TUBGCP6: variants seen among roughly 807,000 people sequenced by gnomAD.
TUBGCP6 encodes the protein tubulin gamma complex component 6, also known as gamma-tubulin complex component 6.
TUBGCP6 carries 161 observed loss-of-function variants against 175.8 expected under a neutral mutation model. The ratio of observed to expected loss-of-function variants is 0.92; its 90% CI spans 0.81 to 1.04. The LOEUF (loss-of-function observed/expected upper bound fraction) is 1.04. Ranked by LOEUF, TUBGCP6 falls within the 50% of genes least tolerant of loss-of-function variation. The probability of loss-of-function intolerance (pLI) is 0.00; values close to 1 mark genes in which losing one functional copy is unlikely to be tolerated. For missense variants in TUBGCP6, 2,572 were observed against 2,433.0 expected (o/e 1.06, Z -1.20); for synonymous variants, 1,173 against 1,030.5 (o/e 1.14, Z -2.65).
chr22:50,217,740 G>C lies in TUBGCP6; in HGVS notation c.5456C>G (p.Ala1819Gly). Residue 1819 changes from alanine to glycine, a missense_variant, in exon 25 of 25, where the codon GCC (alanine) becomes GGC (glycine). By Grantham distance (60) the Ala-to-Gly change is moderately conservative. Transcript: ENST00000248846. ...RINFNNYYQDA is the reference protein window; with the variant it reads ...RINFNNYYQDG ...CACGTCCCCCGCAGAGCAGCCTCAG[G>C]CGTCCTGGTAGTAGTTGTTGAAGTT... 6.2e-7 allele frequency: 1 copy of C among 1,613,956 alleles called. No homozygotes were observed. The highest frequency in any genetic ancestry group is 1.1e-5 in the South Asian group (1 of 91,038).
chr22:50,228,003 T>C lies in TUBGCP6; in HGVS notation c.1316A>G (p.Tyr439Cys), dbSNP rs376242323. Reference protein sequence around the residue: ...FQAFTSGLRRYLQYYRACVLS... With the variant: ...FQAFTSGLRRCLQYYRACVLS... ...GACGCAGGCCCGGTAATACTGCAGG[T>C]ACCTCCTCAGGCCACTGGTGAAGGC... The change falls in exon 5 of 25, where the codon TAC becomes TGC. Residue 439 changes from tyrosine (Y) to cysteine (C), a missense_variant. By Grantham distance (194) the Tyr-to-Cys change is radical (BLOSUM62 -2). Transcript: ENST00000248846. 64 of 1,567,110 alleles carry C rather than the reference T, an allele frequency of 4.1e-5. No individual in the cohort carries two copies. In the African/African-American group the frequency reaches 7.8e-4, roughly 19 times the overall value.
Position 50,241,983 on chromosome 22 carries a change from C to CAAAAAAAAAAAAAAAAAAAAAA in TUBGCP6, c.742-1638_742-1617dup, listed in dbSNP as rs55647714. Among the ~76,000 whole-genome samples, 2 of 92,806 alleles carry CAAAAAAAAAAAAAAAAAAAAAA rather than the reference C, an allele frequency of 2.2e-5. 1 individual carries two copies. 60.9% of individuals were successfully genotyped at this position (92,806 alleles called of 152,430 possible). A position where few individuals can be genotyped will look rare whatever the true frequency, so the allele number is the denominator to read the frequency against. ...CTGGTCCCTACACAAGACTCCATCT[C>CAAAAAAAAAAAAAAAAAAAAAA]AAAAAAAAAAAAAAAAAAAAAAAAA... On this transcript the variant is annotated intron_variant, in intron 1 of 24. Transcript: ENST00000248846.
At chr22:50,231,482 A>G (rs953036081) in intron 3 of TUBGCP6, among the ~76,000 whole-genome samples, 4 of 151,802 alleles carry the variant, frequency 2.6e-5, no homozygotes, top group Admixed American at 2.0e-4. Flanking sequence ...CAAAATAGAA[A>G]AACAATAGAG....
intron 2 of TUBGCP6, among the ~76,000 whole-genome samples, chr22:50,236,379 C>T (rs1162526708): frequency 6.6e-6 from 1 of 152,180 alleles, no homozygotes; most frequent in Non-Finnish European, 1.5e-5. Flanking sequence ...TCGTGATCCG[C>T]CCACCTCAGC....
intron 5 of TUBGCP6, among the ~76,000 whole-genome samples, chr22:50,227,627 T>C (rs533299063): frequency 1.5e-3 from 227 of 152,340 alleles, no homozygotes; most frequent in Non-Finnish European, 2.5e-3. Flanking sequence ...AGCTTGTGTG[T>C]ACCGGACGCC....
chr22:50,218,923 C>A lies in TUBGCP6; in HGVS notation c.4627-26G>T. 1.9e-6 allele frequency: 3 copies of A among 1,598,102 alleles called. No homozygotes were observed. In the East Asian group the frequency reaches 6.7e-5, roughly 36 times the overall value. ...CTAGGCAGAAAAGGGACCACCGTCC[C>A]CAGGAGTCCCAAGCACATGCCTGGC... On this transcript the variant is annotated intron_variant, in intron 20 of 24. Coordinates refer to ENST00000248846, the MANE Select transcript of TUBGCP6 (RefSeq NM_020461.4).
intron 1 of TUBGCP6, among the ~76,000 whole-genome samples, chr22:50,242,176 C>T (rs2064848051): frequency 6.6e-6 from 1 of 151,952 alleles, no homozygotes; most frequent in Non-Finnish European, 1.5e-5. Flanking sequence ...CCTGTAGTCC[C>T]AGCTACTCAG....
In TUBGCP6 at chr22:50,218,113, G is replaced by A; in HGVS notation, c.5173C>T (p.Leu1725=). Residue 1725 remains leucine, a synonymous_variant, in exon 24 of 25, where the codon CTG becomes TTG. Transcript: ENST00000248846. ...EYLHKAVFRG[L]LTEKAAPVMN... The stretch of plus-strand genomic sequence containing the variant: ...ACGGGCGCCGCCTTCTCCGTGAGCA[G>A]GCCCCTGGGGGGAAGCAGTGCTGCT... 1 of 1,612,174 alleles carries A rather than the reference G, an allele frequency of 6.2e-7. No homozygotes were observed. Among genetic ancestry groups the A allele is most frequent in the Non-Finnish European group, 8.5e-7 (1 of 1,179,482 alleles).
intron 2 of TUBGCP6, among the ~76,000 whole-genome samples, chr22:50,234,499 A>G (rs1386645162): frequency 7.8e-6 from 1 of 127,790 alleles, no homozygotes; most frequent in Non-Finnish European, 1.6e-5. Context: ...AGCAGCATCC[A>G]CACCCCTGTC....
chr22:50,219,992 C>T lies in TUBGCP6; in HGVS notation c.4132G>A (p.Glu1378Lys), dbSNP rs2064488788. The T allele has an allele frequency of 6.2e-7, 1 of 1,613,946 alleles. No homozygotes were observed. The highest frequency in any genetic ancestry group is 8.5e-7 in the Non-Finnish European group (1 of 1,179,940). Residue 1378 changes from glutamate (E) to lysine (K), a missense_variant, in exon 17 of 25, where the codon GAG (glutamate) becomes AAG (lysine). By Grantham distance (56) the Glu-to-Lys change is moderately conservative. Transcript: ENST00000248846. ...ELGPGRSGDT[E>K]DLSPNWPLNS... Reference sequence around the variant, plus strand: ...AGAGGCCAATTTGGAGAGAGGTCCTCAGTGTCCCCGCTCCTCCCAGGGCCT... The same window carrying T: ...AGAGGCCAATTTGGAGAGAGGTCCTTAGTGTCCCCGCTCCTCCCAGGGCCT...
In TUBGCP6 at chr22:50,241,983, CAAAAAAAAAA is replaced by C. The variant is rs55647714; in HGVS notation, c.742-1626_742-1617del. Among the ~76,000 whole-genome samples the C allele has an allele frequency of 5.4e-4, 50 of 92,792 alleles. 1 individual carries two copies. The highest frequency in any genetic ancestry group is 2.3e-3 in the African/African-American group (46 of 19,812). The allele number at this position is 92,792 out of a possible 152,430, so 60.9% of individuals were successfully genotyped here. ...CTGGTCCCTACACAAGACTCCATCT[CAAAAAAAAAA>C]AAAAAAAAAAAAAAAAGAACAATCA... is the stretch of plus-strand genomic sequence containing the variant. On this transcript the variant is annotated intron_variant, in intron 1 of 24. Transcript: ENST00000248846.
Position 50,219,729 on chromosome 22 carries a change from C to G in TUBGCP6, c.4230G>C (p.Glu1410Asp). ...GGTAGGCCTGCTCCCCACCCTGAGC[C>G]TCCGCCGCCGATGCCTCCGCCTCCT... ...RGEEAEASAA[E>D]AQGGEQAYLA... is the part of the protein sequence containing the mutation. Residue 1410 changes from glutamate (E) to aspartate (D), a missense_variant, in exon 18 of 25, where the codon GAG (glutamate) becomes GAC (aspartate). By Grantham distance (45) the Glu-to-Asp change is conservative (BLOSUM62 2). Coordinates refer to ENST00000248846, the MANE Select transcript of TUBGCP6 (RefSeq NM_020461.4). The G allele has an allele frequency of 6.2e-7, 1 of 1,613,756 alleles. No individual in the cohort carries two copies. Among genetic ancestry groups the G allele is most frequent in the Non-Finnish European group, 8.5e-7 (1 of 1,180,000 alleles).
In TUBGCP6 at chr22:50,219,447, G is replaced by T. The variant is rs1219273374; in HGVS notation, c.4325C>A (p.Pro1442His). ...PDSYESMSEP[P>H]IAHLLRPVLP... ...CACGGGGCGCAAAAGATGAGCAATG[G>T]GCGGCTCGGCTGCGGGAGATGGAGC... Residue 1442 changes from proline to histidine, a missense_variant, in exon 19 of 25, where the codon CCC becomes CAC. By Grantham distance (77) the Pro-to-His change is moderately conservative (BLOSUM62 -2). Coordinates refer to ENST00000248846, the MANE Select transcript of TUBGCP6 (RefSeq NM_020461.4). The T allele has an allele frequency of 3.2e-6, 5 of 1,576,380 alleles. No homozygotes were observed. In the African/African-American group the frequency reaches 5.4e-5, roughly 17 times the overall value.
At chr22:50,241,702 CCT>C (rs1259116853) in intron 1 of TUBGCP6, among the ~76,000 whole-genome samples, 1 of 152,150 alleles carries the variant, frequency 6.6e-6, no homozygotes, top group East Asian at 1.9e-4. Flanking sequence ...GGAAGGGCCC[CCT>C]GTCCAGTTGA....
rs2064716997 is a variant in TUBGCP6, at chr22:50,233,298, G to A, written c.1116+18C>T. 6.2e-7 allele frequency: 1 copy of A among 1,605,842 alleles called. No homozygotes were observed. Among genetic ancestry groups the A allele is most frequent in the Non-Finnish European group, 8.5e-7 (1 of 1,175,030 alleles). ...GGCCAGCCCCACACCACTGTGGCGG[G>A]GAGTGAGCAGTTCTCACCTGGCAGA... On this transcript the variant is annotated intron_variant, in intron 3 of 24. Coordinates refer to ENST00000248846, the MANE Select transcript of TUBGCP6 (RefSeq NM_020461.4).
rs372021422 is a variant in TUBGCP6, at chr22:50,221,113, G to C, written c.3246C>G (p.His1082Gln). Residue 1082 changes from histidine (H) to glutamine (Q), a missense_variant, in exon 16 of 25, where the codon CAC (histidine) becomes CAG (glutamine). Coordinates refer to ENST00000248846, the MANE Select transcript of TUBGCP6 (RefSeq NM_020461.4). Reference sequence around the variant, plus strand: ...CTAAGCTGATGCTGGCATTGGATACGTGTCCGTGGGTGTTCCACCGTGGCT... The same window carrying C: ...CTAAGCTGATGCTGGCATTGGATACCTGTCCGTGGGTGTTCCACCGTGGCT... ...PTQPRWNTHGHVSNASISLGE... is the reference protein window; with the variant it reads ...PTQPRWNTHGQVSNASISLGE... The C allele has an allele frequency of 6.8e-6, 11 of 1,611,274 alleles. No individual in the cohort carries two copies. The highest frequency in any genetic ancestry group is 5.4e-5 in the African/African-American group (4 of 73,866).
chr22:50,220,661 G>T lies in TUBGCP6; in HGVS notation c.3698C>A (p.Ala1233Asp), dbSNP rs765018606. ...GGTGTTGCACCGTGACCGGATGGGAGCCACGTCCGATACGTTCTCCCCAAC... is the reference window on the plus strand; with the variant it reads ...GGTGTTGCACCGTGACCGGATGGGATCCACGTCCGATACGTTCTCCCCAAC... Reference protein sequence around the residue: ...IRVGENVSDVAPIRSRCNTHG... With the variant: ...IRVGENVSDVDPIRSRCNTHG... Residue 1233 changes from alanine to aspartate, a missense_variant, in exon 16 of 25, where the codon GCT becomes GAT. By Grantham distance (126) the Ala-to-Asp change is moderately radical. Coordinates refer to ENST00000248846, the MANE Select transcript of TUBGCP6 (RefSeq NM_020461.4). 3 of 1,610,770 alleles carry T rather than the reference G, an allele frequency of 1.9e-6. No individual in the cohort carries two copies. Among genetic ancestry groups the T allele is most frequent in the Non-Finnish European group, 2.5e-6 (3 of 1,179,674 alleles).
At chr22:50,220,071 C>A in intron 16 of TUBGCP6, 56 bp from the exon 17 acceptor site, 2 of 1,580,040 alleles carry the variant, frequency 1.3e-6, no homozygotes, top group Admixed American at 1.8e-5. Flanking sequence ...GTGGCGGGTA[C>A]AGAGCCGAGC....
At position 50,218,475 on chromosome 22, in the gene TUBGCP6, A is replaced by T; in HGVS notation, c.4954+13T>A. The T allele has an allele frequency of 6.2e-7, 1 of 1,613,256 alleles. No individual in the cohort carries two copies. The highest frequency in any genetic ancestry group is 8.5e-7 in the Non-Finnish European group (1 of 1,179,900). ...CCAGGGGTGCGGGGCGCCGGGCTCC[A>T]GCGGGGCCTCACCTGTGCGCTTGAG... is the stretch of plus-strand genomic sequence containing the variant. On this transcript the variant is annotated intron_variant, in intron 22 of 24. Transcript: ENST00000248846.
Sources: allele counts gnomAD v4.1 joint callset (sites outside exome capture counted in the v4.1 genomes callset), GRCh38; gene constraint gnomAD v4.1.1; transcripts MANE v1.5; gene names NCBI Gene and HGNC (gene_info 2026-07-23, HGNC 2026-07-21).